CDH13: variants seen among roughly 807,000 people sequenced by gnomAD.
CDH13 encodes the protein cadherin-13.
CDH13 carries 24 observed loss-of-function variants against 63.8 expected under a neutral mutation model. The observed-to-expected ratio is 0.38, with a 90% CI of 0.27 to 0.53. CDH13 has a LOEUF of 0.53. Among genes scored for constraint, CDH13 ranks in the 20% least tolerant of loss-of-function variants. CDH13 has a pLI of 0.85. For missense variants in CDH13, 1,049 were observed against 903.1 expected (o/e 1.16, Z -2.07); for synonymous variants, 503 against 355.3 (o/e 1.42, Z -4.67).
intron 4 of CDH13, among the ~76,000 whole-genome samples, chr16:83,216,427 T>TATATATATATA (rs1555513894): frequency 2.2e-5 from 1 of 45,056 alleles, no homozygotes; most frequent in Non-Finnish European, 5.0e-5. Context: ...TATATATATA[T>TATATATATATA]ATATATATAT....
chr16:82,776,752 G>A (rs2035516252), intron 1 of CDH13, among the ~76,000 whole-genome samples: 1 of 152,196 alleles, frequency 6.6e-6, no homozygotes, highest in South Asian at 2.1e-4. Flanking sequence ...AAGCAGAACT[G>A]ATTTGAGGTG....
Position 83,125,382 on chromosome 16 carries a change from T to C in CDH13, c.367-3T>C, listed in dbSNP as rs1234149755. The C allele has an allele frequency of 2.7e-6, 4 of 1,466,268 alleles. No individual in the cohort carries two copies. Among genetic ancestry groups the C allele is most frequent in the African/African-American group, 2.8e-5 (2 of 72,068 alleles). 90.8% of individuals were successfully genotyped at this position (1,466,268 alleles called of 1,614,324 possible). ...TAATCAATCCTTTTGTTTTCCCTTTTAGGATATATTTAAATTTGCAAGAAC... is the reference window on the plus strand; with the variant it reads ...TAATCAATCCTTTTGTTTTCCCTTTCAGGATATATTTAAATTTGCAAGAAC... On this transcript the variant is annotated splice_region_variant and splice_polypyrimidine_tract_variant and intron_variant, in intron 3 of 13. Coordinates refer to ENST00000567109, the MANE Select transcript of CDH13 (RefSeq NM_001257.5).
At chr16:83,086,021 A>G (rs2033571624) in intron 3 of CDH13, among the ~76,000 whole-genome samples, 1 of 152,210 alleles carries the variant, frequency 6.6e-6, no homozygotes, top group Non-Finnish European at 1.5e-5. Context: ...TTCTACAGCT[A>G]AGGCAGGTGT....
At chr16:82,685,606 T>G (rs895395517) in intron 1 of CDH13, among the ~76,000 whole-genome samples, 3 of 152,214 alleles carry the variant, frequency 2.0e-5, no homozygotes, top group African/African-American at 7.2e-5. Context: ...GTGTGTGCAC[T>G]TGCACATGTG....
chr16:83,403,185 G>T (rs1057159717), intron 6 of CDH13, among the ~76,000 whole-genome samples: 10 of 152,108 alleles, frequency 6.6e-5, no homozygotes, highest in South Asian at 2.1e-4. Context: ...ACTATATGAG[G>T]TTAGTGTTTT....
intron 1 of CDH13, among the ~76,000 whole-genome samples, chr16:82,739,165 T>C (rs538484372): frequency 6.6e-6 from 1 of 152,222 alleles, no homozygotes; most frequent in Non-Finnish European, 1.5e-5. Context: ...ACAATAAAGA[T>C]AACTTGTTAA....
intron 7 of CDH13, among the ~76,000 whole-genome samples, chr16:83,496,166 G>A (rs1016098513): frequency 7.2e-5 from 11 of 152,122 alleles, no homozygotes; most frequent in African/African-American, 2.7e-4. Context: ...CTACTTTAAA[G>A]TAAGTATGGA....
At chr16:82,627,711 C>T (rs1907505180) in intron 1 of CDH13, among the ~76,000 whole-genome samples, 1 of 152,140 alleles carries the variant, frequency 6.6e-6, no homozygotes, top group Non-Finnish European at 1.5e-5. Context: ...CTCAGCCCGG[C>T]TGCTGCTGTC....
At chr16:83,747,816 C>CTGTGAA (rs1378275973) in intron 10 of CDH13, among the ~76,000 whole-genome samples, 2 of 150,386 alleles carry the variant, frequency 1.3e-5, no homozygotes, top group Non-Finnish European at 3.0e-5. Context: ...AGGATTTGGG[C>CTGTGAA]TGTGAATTCT....
chr16:83,348,778 G>A (rs1002798397), intron 6 of CDH13, among the ~76,000 whole-genome samples: 2 of 152,196 alleles, frequency 1.3e-5, no homozygotes, highest in Non-Finnish European at 2.9e-5. Context: ...AGCTACCTTA[G>A]AGAAGTATAT....
intron 1 of CDH13, among the ~76,000 whole-genome samples, chr16:82,770,837 A>G (rs570343569): frequency 1.2e-3 from 179 of 152,216 alleles, no homozygotes; most frequent in African/African-American, 4.1e-3. Flanking sequence ...CCTCCCGAGT[A>G]GCTGGGACTA....
chr16:83,065,703 C>A (rs1294009080), intron 3 of CDH13, among the ~76,000 whole-genome samples: 55 of 130,020 alleles, frequency 4.2e-4, no homozygotes, highest in East Asian at 8.7e-4. Flanking sequence ...AGATTTGTCT[C>A]AAAAAAAAAC....
chr16:82,706,999 G>A (rs1011137983), intron 1 of CDH13, among the ~76,000 whole-genome samples: 1 of 152,196 alleles, frequency 6.6e-6, no homozygotes, highest in Non-Finnish European at 1.5e-5. Context: ...TTTAAGGAAA[G>A]GAAAAGGATA....
chr16:83,711,641 A>C (rs1389802145), intron 10 of CDH13, among the ~76,000 whole-genome samples: 1 of 152,108 alleles, frequency 6.6e-6, no homozygotes, highest in East Asian at 1.9e-4. Context: ...TCAGCTTCCC[A>C]AGTAGCTGGG....
chr16:83,286,672 C>T (rs2089322683), intron 5 of CDH13, among the ~76,000 whole-genome samples: 1 of 151,506 alleles, frequency 6.6e-6, no homozygotes, highest in Admixed American at 6.6e-5. Context: ...AGGAGAATTA[C>T]CTGAACCTGG....
At chr16:82,695,767 G>C (rs2030209133) in intron 1 of CDH13, among the ~76,000 whole-genome samples, 1 of 152,206 alleles carries the variant, frequency 6.6e-6, no homozygotes, top group African/African-American at 2.4e-5. Context: ...AGGGCATGGT[G>C]CTATACCATG....
chr16:83,407,820 C>T (rs2092069580), intron 6 of CDH13, among the ~76,000 whole-genome samples: 2 of 151,538 alleles, frequency 1.3e-5, no homozygotes, highest in African/African-American at 4.8e-5. Context: ...TAAAACTCAT[C>T]TGTTTTCTTT....
intron 2 of CDH13, among the ~76,000 whole-genome samples, chr16:82,907,901 T>C (rs554422741): frequency 2.4e-4 from 37 of 152,268 alleles, no homozygotes; most frequent in African/African-American, 7.9e-4. Flanking sequence ...GGCTGAGCCC[T>C]CCAAATTACT....
intron 3 of CDH13, among the ~76,000 whole-genome samples, chr16:83,120,044 G>A (rs1489717829): frequency 5.3e-5 from 3 of 56,650 alleles, no homozygotes; most frequent in Non-Finnish European, 1.4e-4. Flanking sequence ...GACTTCAGTC[G>A]TTCCTTAAGA....
Sources: gnomAD v4.1 joint callset for allele counts (sites outside exome capture counted in the v4.1 genomes callset) on GRCh38, gnomAD v4.1.1 for gene constraint, MANE v1.5 for transcripts, NCBI Gene and HGNC (gene_info 2026-07-23, HGNC 2026-07-21) for gene names.